The following BAIAP2 variants were observed in gnomAD, a reference collection of about 807,000 sequenced individuals.
BAIAP2 encodes BAR/IMD domain containing adaptor protein 2, also known as BAR/IMD domain-containing adapter protein 2.
In BAIAP2, 18 loss-of-function variants were observed where a neutral mutation model predicts 63.0. That is an observed-to-expected ratio of 0.29 (90% confidence interval 0.20 to 0.42). The LOEUF is 0.42. Ranked by LOEUF, BAIAP2 falls within the 10% of genes least tolerant of loss-of-function variation. BAIAP2 has a pLI of 1.00. For missense variants in BAIAP2, 610 were observed against 734.3 expected (o/e 0.83, Z 1.96); for synonymous variants, 386 against 307.6 (o/e 1.25, Z -2.67).
chr17:81,079,639 C>T (rs186295193), intron 3 of BAIAP2, among the ~76,000 whole-genome samples: 127 of 152,288 alleles, frequency 8.3e-4, no homozygotes, highest in African/African-American at 3.0e-3. Flanking sequence ...CACCTACATC[C>T]TGAGGCGTGG....
intron 6 of BAIAP2, among the ~76,000 whole-genome samples, chr17:81,091,533 T>A (rs540913073): frequency 6.6e-6 from 1 of 152,288 alleles, no homozygotes; most frequent in South Asian, 2.1e-4. Context: ...TCTAGCTGTC[T>A]CCAGTGTATG....
intron 3 of BAIAP2, among the ~76,000 whole-genome samples, chr17:81,078,964 G>C (rs925538435): frequency 2.6e-5 from 4 of 152,122 alleles, no homozygotes; most frequent in African/African-American, 4.8e-5. Flanking sequence ...GTAAGACCTG[G>C]GGGGAGTGAG....
chr17:81,078,990 C>T (rs1440722206), intron 3 of BAIAP2, among the ~76,000 whole-genome samples: 1 of 152,126 alleles, frequency 6.6e-6, no homozygotes, highest in Admixed American at 6.5e-5. Context: ...GCTCAGCCTG[C>T]AGGAGAGATG....
chr17:81,106,192 A>G, intron 11 of BAIAP2, 46 bp downstream of exon 11: 1 of 1,537,026 alleles, frequency 6.5e-7, no homozygotes, highest in East Asian at 2.4e-5. Context: ...AGCTCGGGAG[A>G]GGGGCTGTGA....
In BAIAP2 at chr17:81,103,680, C is replaced by T; in HGVS notation, c.821C>T (p.Ala274Val). The T allele has an allele frequency of 6.3e-7, 1 of 1,596,008 alleles. No individual in the cohort carries two copies. The highest frequency in any genetic ancestry group is 8.5e-7 in the Non-Finnish European group (1 of 1,171,662). Residue 274 changes from alanine to valine, a missense_variant, in exon 8 of 14, where the codon GCC becomes GTC. Physicochemically the swap from Ala to Val is moderately conservative, Grantham distance 64. Coordinates refer to ENST00000428708, the MANE Select transcript of BAIAP2 (RefSeq NM_001144888.2). ...NLVISDPIPG[A>V]KPLPVPPELA... is the part of the protein sequence containing the mutation. Reference sequence around the variant, plus strand: ...GTCATTTCCGACCCCATTCCGGGGGCCAAGCCCCTGCCGGTGCCCCCCGAG... The same window carrying T: ...GTCATTTCCGACCCCATTCCGGGGGTCAAGCCCCTGCCGGTGCCCCCCGAG...
intron 3 of BAIAP2, among the ~76,000 whole-genome samples, chr17:81,061,205 C>G (rs949223046): frequency 3.3e-5 from 5 of 152,204 alleles, no homozygotes; most frequent in African/African-American, 1.2e-4. Context: ...CCTTGCCCCA[C>G]CCAGTATAAT....
chr17:81,082,608 G>A (rs1284992011), intron 3 of BAIAP2, among the ~76,000 whole-genome samples: 3 of 152,224 alleles, frequency 2.0e-5, no homozygotes. Context: ...CAGGAGCCAG[G>A]TGACTGTCAC....
At chr17:81,104,789 G>A in intron 10 of BAIAP2, 74 bp downstream of exon 10, 1 of 1,422,866 alleles carries the variant, frequency 7.0e-7, no homozygotes, top group Admixed American at 2.1e-5. Context: ...ACACTCAAGT[G>A]CACTGAGACC....
At chr17:81,052,352 C>G (rs567550140) in intron 1 of BAIAP2, among the ~76,000 whole-genome samples, 2 of 152,234 alleles carry the variant, frequency 1.3e-5, no homozygotes, top group Non-Finnish European at 2.9e-5. Flanking sequence ...GCGGCTGGGT[C>G]GATGCTGCAT....
intron 1 of BAIAP2, among the ~76,000 whole-genome samples, chr17:81,044,529 G>A (rs1025054448): frequency 2.0e-4 from 30 of 152,240 alleles, no homozygotes; most frequent in African/African-American, 7.0e-4. Context: ...TAAAGACCCT[G>A]TTTCCAAACA....
chr17:81,077,359 G>C (rs1342569755), intron 3 of BAIAP2, among the ~76,000 whole-genome samples: 3 of 152,118 alleles, frequency 2.0e-5, no homozygotes, highest in Non-Finnish European at 2.9e-5. Flanking sequence ...CTGAGGTCAG[G>C]AGTTTGAGAC....
intron 6 of BAIAP2, 104 bp from the exon 7 acceptor site, chr17:81,099,824 T>G (rs2058248919): frequency 1.5e-6 from 2 of 1,332,458 alleles, no homozygotes; most frequent in South Asian, 2.8e-5. Context: ...CTGCTCTGCA[T>G]GAATGAGACG....
Position 81,085,182 on chromosome 17 carries a change from G to T in BAIAP2, c.279+289G>T, listed in dbSNP as rs555588767. On this transcript the variant is annotated intron_variant, in intron 4 of 13. Coordinates refer to ENST00000428708, the MANE Select transcript of BAIAP2 (RefSeq NM_001144888.2). ...GCCCCAGCCAGACCCCACTCCTGGG[G>T]TTCACAAGGTTGCAAGGCACACTTC... 6.9e-5 allele frequency: 37 copies of T among 536,224 alleles called. 1 individual carries two copies. The South Asian group carries it at 7.0e-4, about 10-fold the overall frequency. 33.2% of individuals were successfully genotyped at this position (536,224 alleles called of 1,614,324 possible).
intron 3 of BAIAP2, among the ~76,000 whole-genome samples, chr17:81,061,865 C>G (rs146738597): frequency 6.6e-6 from 1 of 152,308 alleles, no homozygotes; most frequent in African/African-American, 2.4e-5. Flanking sequence ...TCTGTATACT[C>G]TAGATGGAAG....
At chr17:81,037,776 C>T (rs972809320) in intron 1 of BAIAP2, among the ~76,000 whole-genome samples, 5 of 152,252 alleles carry the variant, frequency 3.3e-5, no homozygotes. Flanking sequence ...TTGGTTTGGA[C>T]ATTGCATCGC....
At chr17:81,088,527 C>G (rs570978530) in intron 6 of BAIAP2, among the ~76,000 whole-genome samples, 44 of 152,340 alleles carry the variant, frequency 2.9e-4, no homozygotes, top group African/African-American at 1.0e-3. Flanking sequence ...GGCCCCTGGC[C>G]CCACCAGTCA....
intron 6 of BAIAP2, among the ~76,000 whole-genome samples, chr17:81,093,864 G>GC (rs886447465): frequency 1.3e-5 from 2 of 152,202 alleles, no homozygotes; most frequent in Non-Finnish European, 2.9e-5. Flanking sequence ...CTGGCGACGT[G>GC]CGGGGGGTGT....
At chr17:81,113,480 G>A (rs761253135) in intron 13 of BAIAP2, among the ~76,000 whole-genome samples, 3 of 152,198 alleles carry the variant, frequency 2.0e-5, no homozygotes, top group South Asian at 2.1e-4. Context: ...CGAGCTCCCC[G>A]CCGGCCTCCT....
intron 6 of BAIAP2, among the ~76,000 whole-genome samples, chr17:81,091,896 G>T (rs534256045): frequency 1.3e-5 from 2 of 152,338 alleles, no homozygotes; most frequent in South Asian, 2.1e-4. Context: ...CCTAGAGCTG[G>T]CCGGGGCCTG....
Sources: allele counts gnomAD v4.1 joint callset (sites outside exome capture counted in the v4.1 genomes callset), GRCh38; gene constraint gnomAD v4.1.1; transcripts MANE v1.5; gene names NCBI Gene and HGNC (gene_info 2026-07-23, HGNC 2026-07-21).